SCN1A: variants seen among roughly 807,000 people sequenced by gnomAD.
The protein encoded by SCN1A is sodium channel protein type 1 subunit alpha.
Under a neutral mutation model 193.7 loss-of-function variants are expected in SCN1A, and 13 were observed. The ratio of observed to expected loss-of-function variants is 0.07; its 90% confidence interval spans 0.04 to 0.11. The LOEUF is 0.11. SCN1A is among the 10% of genes least tolerant of loss of function. The pLI, the probability that SCN1A is intolerant of heterozygous loss-of-function variation, is 1.00. For missense variants in SCN1A, 1,432 were observed against 2,451.1 expected, an observed-to-expected ratio of 0.58 and a Z score of 8.78; for synonymous variants, 781 against 843.6, an observed-to-expected ratio of 0.93 and a Z score of 1.29.
intron 20 of SCN1A, among the ~76,000 whole-genome samples, chr2:166,014,630 C>T (rs371976579): frequency 2.1e-5 from 3 of 145,942 alleles, no homozygotes; most frequent in South Asian, 2.2e-4. Context: ...ATACAGGATC[C>T]CTGCTCCAAG....
intron 2 of SCN1A, among the ~76,000 whole-genome samples, chr2:166,108,203 G>A (rs540326707): frequency 6.6e-6 from 1 of 151,952 alleles, no homozygotes; most frequent in Non-Finnish European, 1.5e-5. Flanking sequence ...CACATCAGAT[G>A]CTCAACATCA....
intron 2 of SCN1A, among the ~76,000 whole-genome samples, chr2:166,100,228 TC>T (rs1324014171): frequency 7.7e-6 from 1 of 129,566 alleles, no homozygotes; most frequent in African/African-American, 3.0e-5. Flanking sequence ...AACCATCTGA[TC>T]TTTGACAAAC....
chr2:166,114,676 A>C (rs1317369113), intron 2 of SCN1A, among the ~76,000 whole-genome samples: 1 of 152,196 alleles, frequency 6.6e-6, no homozygotes, highest in Non-Finnish European at 1.5e-5. Context: ...TAATGATGCA[A>C]CTAAAATGAA....
At chr2:166,081,037 T>A (rs1052922599) in intron 2 of SCN1A, among the ~76,000 whole-genome samples, 7 of 142,092 alleles carry the variant, frequency 4.9e-5, no homozygotes, top group African/African-American at 7.7e-5. Context: ...GGGCATTATA[T>A]ATCTCTGTTT....
intron 25 of SCN1A, 110 bp downstream of exon 25, chr2:165,999,613 A>C: frequency 1.2e-6 from 1 of 850,456 alleles, no homozygotes; most frequent in Non-Finnish European, 2.0e-6. Flanking sequence ...TTTTTCCCAA[A>C]TATTTTAAAT....
chr2:166,029,428 A>G (rs1271340869), intron 19 of SCN1A, among the ~76,000 whole-genome samples: 4 of 152,082 alleles, frequency 2.6e-5, no homozygotes, highest in Non-Finnish European at 4.4e-5. Flanking sequence ...CCTAGTGATC[A>G]ATTAGAAGTA....
Position 166,045,158 on chromosome 2 carries a change from T to C in SCN1A, c.1547A>G (p.Asp516Gly). The C allele has an allele frequency of 6.2e-7, 1 of 1,614,148 alleles. No homozygotes were observed. Among genetic ancestry groups the C allele is most frequent in the South Asian group, 1.1e-5 (1 of 91,074 alleles). ...TTCAGATTTTTGGAATTCATCCTCA[T>C]CTTTCTCTTCCCCACCAGACTGCTC... ...QKEQSGGEEK[D>G]EDEFQKSESE... Residue 516 changes from aspartate (D) to glycine (G), a missense_variant, in exon 13 of 29, where the codon GAT becomes GGT. Physicochemically the swap from Asp to Gly is moderately conservative, Grantham distance 94. Around this residue, in one of 18 missense-constraint regions of SCN1A, gnomAD observed 316 missense variants for 362.1 expected, o/e 0.87. Transcript: ENST00000674923.
chr2:166,028,598 G>A (rs1032101032), intron 19 of SCN1A, among the ~76,000 whole-genome samples: 1 of 152,100 alleles, frequency 6.6e-6, no homozygotes, highest in East Asian at 1.9e-4. Flanking sequence ...TTGTAAAATG[G>A]TTCTTACTTC....
intron 1 of SCN1A, among the ~76,000 whole-genome samples, chr2:166,143,248 G>T (rs1574652747): frequency 6.9e-6 from 1 of 144,286 alleles, no homozygotes. Context: ...CTCACTGCAA[G>T]CTCCGCCTCC....
At chr2:166,134,825 C>T (rs749081988) in intron 1 of SCN1A, among the ~76,000 whole-genome samples, 2 of 152,134 alleles carry the variant, frequency 1.3e-5, no homozygotes, top group Non-Finnish European at 2.9e-5. Context: ...GAGCTTTATA[C>T]CCCTCCTTTA....
chr2:166,056,644 A>C, intron 5 of SCN1A, 144 bp from the exon 6 acceptor site: 1 of 656,652 alleles, frequency 1.5e-6, no homozygotes, highest in Non-Finnish European at 2.8e-6. Flanking sequence ...ATCTCCTTAC[A>C]TTTCAATTTC....
At chr2:166,142,138 G>C (rs1574651240) in intron 1 of SCN1A, among the ~76,000 whole-genome samples, 1 of 152,182 alleles carries the variant, frequency 6.6e-6, no homozygotes, top group South Asian at 2.1e-4. Flanking sequence ...GAAGTGGCTA[G>C]AGTCTGGAGA....
chr2:165,997,600 C>T lies in SCN1A; in HGVS notation c.4476+438G>A, dbSNP rs1162756256. Among the ~76,000 whole-genome samples, 6 of 151,066 alleles carry T rather than the reference C, an allele frequency of 4.0e-5. No individual in the cohort carries two copies. The East Asian group carries it at 7.8e-4, about 20-fold the overall frequency. ...AAAAGAAATCAATGACAGAAAAAAGCGTAAAAATAAACACTAGAAGAAGCT... is the reference window on the plus strand; with the variant it reads ...AAAAGAAATCAATGACAGAAAAAAGTGTAAAAATAAACACTAGAAGAAGCT... On this transcript the variant is annotated intron_variant, in intron 26 of 28. Coordinates refer to ENST00000674923, the MANE Select transcript of SCN1A (RefSeq NM_001165963.4).
chr2:166,119,673 C>T (rs13011021), intron 2 of SCN1A, among the ~76,000 whole-genome samples: 11,041 of 152,102 alleles, frequency 0.073, 500 homozygotes, highest in Middle Eastern at 0.21. Flanking sequence ...TTATATTAGA[C>T]CGATTCCCAA....
At chr2:166,039,740 G>T in intron 16 of SCN1A, 144 bp from the exon 17 acceptor site, 1 of 725,414 alleles carries the variant, frequency 1.4e-6, no homozygotes, top group Non-Finnish European at 2.4e-6. Context: ...TGTAGTTGAT[G>T]AAAGACTTTC....
intron 13 of SCN1A, among the ~76,000 whole-genome samples, chr2:166,044,463 C>T (rs1697555557): frequency 1.3e-5 from 2 of 152,132 alleles, no homozygotes; most frequent in South Asian, 4.1e-4. Flanking sequence ...AAACTTTCAA[C>T]ACTCCTCACA....
In SCN1A at chr2:165,999,706, A is replaced by T; in HGVS notation, c.4338+17T>A. 1 of 1,563,080 alleles carries T rather than the reference A, an allele frequency of 6.4e-7. No individual in the cohort carries two copies. The highest frequency in any genetic ancestry group is 1.1e-5 in the South Asian group (1 of 89,998). On this transcript the variant is annotated intron_variant, in intron 25 of 28. Transcript: ENST00000674923. ...GATCAATATTGTAAAAAGACTTAGA[A>T]TACAAGGAATACTTACATTTCTGGA...
intron 24 of SCN1A, 129 bp from the exon 25 acceptor site, chr2:165,999,905 C>T: frequency 1.3e-6 from 1 of 788,782 alleles, no homozygotes; most frequent in East Asian, 2.6e-5. Flanking sequence ...ACAAATTTTA[C>T]ACAGATTTTG....
chr2:166,039,540 A>G lies in SCN1A; in HGVS notation c.2472T>C (p.Pro824=). 6.2e-7 allele frequency: 1 copy of G among 1,614,056 alleles called. No individual in the cohort carries two copies. The highest frequency in any genetic ancestry group is 8.5e-7 in the Non-Finnish European group (1 of 1,179,956). ...EMFLKIIAMD[P]YYYFQEGWNI... is the part of the protein sequence containing the mutation. Reference sequence around the variant, plus strand: ...TCCAGCCTTCTTGGAAATAATAGTAAGGATCCATGGCAATAATTTTCAGAA... The same window carrying G: ...TCCAGCCTTCTTGGAAATAATAGTAGGGATCCATGGCAATAATTTTCAGAA... The change falls in exon 17 of 29, where the codon CCT becomes CCC. Residue 824 remains proline, a synonymous_variant. Coordinates refer to ENST00000674923, the MANE Select transcript of SCN1A (RefSeq NM_001165963.4).
Sources: allele counts gnomAD v4.1 joint callset (sites outside exome capture counted in the v4.1 genomes callset), GRCh38; gene constraint gnomAD v4.1.1; regional missense constraint gnomAD v4.1.1; transcripts MANE v1.5; gene names NCBI Gene and HGNC (gene_info 2026-07-23, HGNC 2026-07-21).